The following KPNA1 variants were observed in gnomAD, a reference collection of about 807,000 sequenced individuals.
KPNA1 encodes the protein importin subunit alpha-5.
KPNA1 carries 10 observed loss-of-function variants against 70.5 expected under a neutral mutation model. The ratio of observed to expected loss-of-function variants is 0.14; its 90% confidence interval spans 0.09 to 0.24. The LOEUF (loss-of-function observed/expected upper bound fraction) is 0.24, where lower values mean the gene tolerates loss of function less well. KPNA1 is among the 10% of genes least tolerant of loss of function. The probability of loss-of-function intolerance (pLI) is 1.00; values close to 1 mark genes in which losing one functional copy is unlikely to be tolerated. For missense variants in KPNA1, 397 were observed against 637.9 expected, an observed-to-expected ratio of 0.62 and a Z score of 4.07; for synonymous variants, 192 against 221.9, an observed-to-expected ratio of 0.87 and a Z score of 1.20.
At chr3:122,511,378 T>A (rs987769607) in intron 1 of KPNA1, among the ~76,000 whole-genome samples, 1 of 152,240 alleles carries the variant, frequency 6.6e-6, no homozygotes, top group East Asian at 1.9e-4. Context: ...CTTGTTAATA[T>A]GAAGGAGATT....
At chr3:122,463,878 C>G in intron 4 of KPNA1, 64 bp downstream of exon 4, 1 of 803,524 alleles carries the variant, frequency 1.2e-6, no homozygotes, top group South Asian at 1.9e-5. Context: ...GTATGAAAAA[C>G]AGACTATGGG....
At chr3:122,442,001 T>C (rs1312366841) in intron 10 of KPNA1, 37 bp downstream of exon 10, 1 of 1,403,940 alleles carries the variant, frequency 7.1e-7, no homozygotes, top group Non-Finnish European at 1.0e-6. Context: ...AATATACTGT[T>C]TTTAAAGGAC....
intron 2 of KPNA1, among the ~76,000 whole-genome samples, chr3:122,472,512 A>G (rs917941107): frequency 7.6e-6 from 1 of 130,924 alleles, no homozygotes; most frequent in African/African-American, 2.6e-5. Context: ...CACCTAATCA[A>G]TCACCTTAAA....
chr3:122,436,592 G>A (rs1464731401), intron 11 of KPNA1, among the ~76,000 whole-genome samples: 1 of 152,166 alleles, frequency 6.6e-6, no homozygotes, highest in Non-Finnish European at 1.5e-5. Flanking sequence ...ACTGGAGGTG[G>A]TTCCCCTGAT....
chr3:122,453,816 G>T (rs190744382), intron 6 of KPNA1, 54 bp downstream of exon 6: 2 of 1,555,682 alleles, frequency 1.3e-6, no homozygotes, highest in Non-Finnish European at 1.7e-6. Context: ...AGGAGTGAGC[G>T]ACATGCCCAG....
chr3:122,462,432 G>A (rs1262914411), intron 4 of KPNA1, among the ~76,000 whole-genome samples: 1 of 152,050 alleles, frequency 6.6e-6, no homozygotes, highest in Non-Finnish European at 1.5e-5. Flanking sequence ...TATCAAAATA[G>A]ACACTCTTAG....
chr3:122,497,242 T>C (rs1042501493), intron 1 of KPNA1, among the ~76,000 whole-genome samples: 2 of 152,250 alleles, frequency 1.3e-5, no homozygotes, highest in East Asian at 1.9e-4. Flanking sequence ...GGTTCATCCA[T>C]GTTGTAGCAT....
intron 2 of KPNA1, among the ~76,000 whole-genome samples, chr3:122,493,813 G>C (rs890802579): frequency 3.9e-5 from 6 of 152,264 alleles, no homozygotes; most frequent in South Asian, 4.1e-4. Context: ...TCGAACTCCT[G>C]ATCTCAGGTG....
chr3:122,461,654 C>G (rs1223046393), intron 4 of KPNA1, among the ~76,000 whole-genome samples: 1 of 152,170 alleles, frequency 6.6e-6, no homozygotes, highest in Non-Finnish European at 1.5e-5. Context: ...TTCCTTCTAG[C>G]CTGTTTCCTG....
chr3:122,453,863 T>C lies in KPNA1; in HGVS notation c.564+7A>G. 1 of 1,593,008 alleles carries C rather than the reference T, an allele frequency of 6.3e-7. No homozygotes were observed. The highest frequency in any genetic ancestry group is 1.1e-5 in the South Asian group (1 of 87,252). On this transcript the variant is annotated splice_region_variant and intron_variant, in intron 6 of 13. Transcript: ENST00000344337. ...CTTTCACCTGCTTCTTTTTGTTTCATTTTTACCTGTTCCTGGACATCTTCA... is the reference window on the plus strand; with the variant it reads ...CTTTCACCTGCTTCTTTTTGTTTCACTTTTACCTGTTCCTGGACATCTTCA...
intron 1 of KPNA1, among the ~76,000 whole-genome samples, chr3:122,499,558 G>C (rs1418095584): frequency 1.3e-5 from 2 of 151,934 alleles, no homozygotes; most frequent in African/African-American, 4.8e-5. Flanking sequence ...TTCAAGATCA[G>C]ACTGGGCAAC....
intron 2 of KPNA1, among the ~76,000 whole-genome samples, chr3:122,481,239 A>G (rs1281970837): frequency 6.6e-6 from 1 of 152,238 alleles, no homozygotes; most frequent in Admixed American, 6.5e-5. Context: ...ATGTGTTCAC[A>G]GAAGCATTAT....
rs367717462 is a variant in KPNA1, at chr3:122,451,523, A to G, written c.753+11T>C. ...TTTTTTCTGCCAATGTCCCAAAAGC[A>G]TAGTCCTTACCTTTGCAAATTCTGG... is the stretch of plus-strand genomic sequence containing the variant. On this transcript the variant is annotated intron_variant, in intron 8 of 13. Coordinates refer to ENST00000344337, the MANE Select transcript of KPNA1 (RefSeq NM_002264.4). 7.8e-6 allele frequency: 12 copies of G among 1,536,796 alleles called. No homozygotes were observed. The highest frequency in any genetic ancestry group is 1.1e-5 in the Non-Finnish European group (12 of 1,115,818).
At chr3:122,513,066 C>T (rs188790069) in intron 1 of KPNA1, among the ~76,000 whole-genome samples, 1 of 152,072 alleles carries the variant, frequency 6.6e-6, no homozygotes, top group East Asian at 1.9e-4. Context: ...TGTAAGTATT[C>T]GCTGATTGAA....
chr3:122,469,207 G>T (rs938713557), intron 2 of KPNA1, among the ~76,000 whole-genome samples: 3 of 151,902 alleles, frequency 2.0e-5, no homozygotes, highest in Non-Finnish European at 4.4e-5. Context: ...TCTAACAAAA[G>T]CCCACCAAGA....
chr3:122,499,926 T>C (rs1049918113), intron 1 of KPNA1, among the ~76,000 whole-genome samples: 8 of 152,216 alleles, frequency 5.3e-5, no homozygotes, highest in African/African-American at 1.9e-4. Flanking sequence ...AATTCAGCAG[T>C]AAAGCCATAT....
intron 2 of KPNA1, among the ~76,000 whole-genome samples, chr3:122,488,598 G>T (rs553145168): frequency 6.6e-6 from 1 of 152,316 alleles, no homozygotes; most frequent in East Asian, 1.9e-4. Context: ...TTTGATAGCT[G>T]GGATTTGCTC....
intron 1 of KPNA1, among the ~76,000 whole-genome samples, chr3:122,500,598 G>A (rs1205881105): frequency 6.6e-6 from 1 of 151,830 alleles, no homozygotes; most frequent in Non-Finnish European, 1.5e-5. Context: ...CCCAGCTCAA[G>A]CAATCCTCCC....
At chr3:122,508,167 A>C (rs976914046) in intron 1 of KPNA1, among the ~76,000 whole-genome samples, 2 of 152,210 alleles carry the variant, frequency 1.3e-5, no homozygotes, top group Non-Finnish European at 2.9e-5. Flanking sequence ...ACCACGGCAT[A>C]AAGAGAATAG....
Sources: gnomAD v4.1 joint callset for allele counts (sites outside exome capture counted in the v4.1 genomes callset) on GRCh38, gnomAD v4.1.1 for gene constraint, MANE v1.5 for transcripts, NCBI Gene and HGNC (gene_info 2026-07-23, HGNC 2026-07-21) for gene names.